The following TSTD2 variants were observed in gnomAD, a reference collection of about 807,000 sequenced individuals.
TSTD2 encodes thiosulfate sulfurtransferase like domain containing 2, also known as thiosulfate sulfurtransferase/rhodanese-like domain-containing protein 2.
TSTD2 carries 37 observed loss-of-function variants against 47.9 expected under a neutral mutation model. That is an observed-to-expected ratio of 0.77 (90% CI 0.59 to 1.02). TSTD2 has a LOEUF of 1.02. TSTD2 is among the 50% of genes least tolerant of loss of function. The pLI is 0.00. For synonymous variants in TSTD2, 201 were observed against 215.9 expected (o/e 0.93, Z 0.61); for missense variants, 586 against 616.0 (o/e 0.95, Z 0.52).
Position 97,600,929 on chromosome 9 carries a change from G to T in TSTD2, c.*1540C>A. 8.7e-7 allele frequency: 1 copy of T among 1,155,442 alleles called. No individual in the cohort carries two copies. The highest frequency in any genetic ancestry group is 1.1e-6 in the Non-Finnish European group (1 of 915,490). The allele number at this position is 1,155,442 out of a possible 1,614,324, so 71.6% of individuals were successfully genotyped here. A position where few individuals can be genotyped will look rare whatever the true frequency, so the allele number is the denominator to read the frequency against. On this transcript the variant is annotated 3_prime_UTR_variant, in exon 10 of 10. Coordinates refer to ENST00000341170, the MANE Select transcript of TSTD2 (RefSeq NM_139246.5). ...ACTAATATTTTTGTTTGTTGCTTTT[G>T]GGAGTTATTTTCATTAGTGATTTCA...
chr9:97,604,740 A>G lies in TSTD2; in HGVS notation c.1239T>C (p.Ser413=). 1.2e-6 allele frequency: 2 copies of G among 1,614,116 alleles called. No individual in the cohort carries two copies. The highest frequency in any genetic ancestry group is 1.7e-6 in the Non-Finnish European group (2 of 1,180,022). Residue 413 remains serine, a synonymous_variant, in exon 9 of 10, where the codon AGT becomes AGC. Coordinates refer to ENST00000341170, the MANE Select transcript of TSTD2 (RefSeq NM_139246.5). ...GTGCTGACCTACCTGACACCACATC[A>G]CTGTTGTAGGACAGAGCATAGCGTT... ...FDERYALSYN[S]DVVSECSYCG...
In TSTD2 at chr9:97,602,899, T is replaced by C. The variant is rs539842582; in HGVS notation, c.1253-132A>G. 3.1e-5 allele frequency: 28 copies of C among 902,168 alleles called. No individual in the cohort carries two copies. The East Asian group carries it at 5.1e-4, about 16-fold the overall frequency. 55.9% of individuals were successfully genotyped at this position (902,168 alleles called of 1,614,324 possible). ...GGGAAGGTTTCCAAATAGTAAGTCT[T>C]CTGTCTTCTAGCAACAACAACTAAC... On this transcript the variant is annotated intron_variant, in intron 9 of 9. Transcript: ENST00000341170.
At chr9:97,611,776 A>C (rs547162117) in intron 4 of TSTD2, 77 bp from the exon 5 acceptor site, 5 of 1,439,750 alleles carry the variant, frequency 3.5e-6, no homozygotes, top group Admixed American at 1.8e-5. Context: ...CAATAGGCTC[A>C]TGTGTGTCAA....
rs1342727967 is a variant in TSTD2 at position 97,601,109 on chromosome 9, T to C, written c.*1360A>G. On this transcript the variant is annotated 3_prime_UTR_variant, in exon 10 of 10. Transcript: ENST00000341170. Reference sequence around the variant, plus strand: ...CCAGGGCCTCAGCGCTATGGAAGAGTGTCCACTGAGGCTGCACATGGCCCA... The same window carrying C: ...CCAGGGCCTCAGCGCTATGGAAGAGCGTCCACTGAGGCTGCACATGGCCCA... The C allele has an allele frequency of 2.6e-5, 34 of 1,303,918 alleles. No individual in the cohort carries two copies. The highest frequency in any genetic ancestry group is 3.3e-5 in the Non-Finnish European group (33 of 988,882). 80.8% of individuals were successfully genotyped at this position (1,303,918 alleles called of 1,614,324 possible). A position where few individuals can be genotyped will look rare whatever the true frequency, so the allele number is the denominator to read the frequency against.
In TSTD2 at chr9:97,611,555, A is replaced by G; in HGVS notation, c.729+19T>C. 6.3e-7 allele frequency: 1 copy of G among 1,578,090 alleles called. No homozygotes were observed. Among genetic ancestry groups the G allele is most frequent in the Non-Finnish European group, 8.7e-7 (1 of 1,151,254 alleles). ...GAAGCAGATGGCTCTAGATCCATTT[A>G]ATTTTCATTTTCTCTTACCTTAAAA... On this transcript the variant is annotated intron_variant, in intron 5 of 9. Coordinates refer to ENST00000341170, the MANE Select transcript of TSTD2 (RefSeq NM_139246.5).
At chr9:97,630,927 TGTGTGA>T (rs1456176567) in intron 1 of TSTD2, among the ~76,000 whole-genome samples, 1 of 152,250 alleles carries the variant, frequency 6.6e-6, no homozygotes, top group Non-Finnish European at 1.5e-5. Flanking sequence ...TACCCCACTG[TGTGTGA>T]ATTTTACACT....
In TSTD2 at chr9:97,603,785, A is replaced by G. The variant is rs150764885; in HGVS notation, c.1252+942T>C. Reference sequence around the variant, plus strand: ...CATGATTTAAACTCACTGCAACCTCAACCTCCCGGGCTCAAGCAATCCTCC... The same window carrying G: ...CATGATTTAAACTCACTGCAACCTCGACCTCCCGGGCTCAAGCAATCCTCC... On this transcript the variant is annotated intron_variant, in intron 9 of 9. Transcript: ENST00000341170. Among the ~76,000 whole-genome samples, 333 of 152,210 alleles carry G rather than the reference A, an allele frequency of 2.2e-3. 2 individuals are homozygous for G. The highest frequency in any genetic ancestry group is 0.017 in the Middle Eastern group (5 of 294).
In TSTD2 at chr9:97,625,734, G is replaced by A. The variant is rs376838694; in HGVS notation, c.429C>T (p.Asp143=). 108 of 1,613,966 alleles carry A rather than the reference G, an allele frequency of 6.7e-5. No individual in the cohort carries two copies. Among genetic ancestry groups the A allele is most frequent in the African/African-American group, 4.4e-4 (33 of 74,912 alleles). The change falls in exon 3 of 10, where the codon GAC becomes GAT. Residue 143 remains aspartate, a synonymous_variant. Transcript: ENST00000341170. ...TTATATCAGGGAGCCAAGCAGACACGTCATGGCTATGTGGAAGGCACTCTT... is the reference window on the plus strand; with the variant it reads ...TTATATCAGGGAGCCAAGCAGACACATCATGGCTATGTGGAAGGCACTCTT... ...PLKECLPHSH[D]VSAWLPDISC...
intron 1 of TSTD2, among the ~76,000 whole-genome samples, chr9:97,631,963 C>G (rs1331804148): frequency 2.6e-5 from 4 of 152,220 alleles, no homozygotes; most frequent in African/African-American, 7.2e-5. Flanking sequence ...TTGCTCACTA[C>G]CTATGATGGC....
rs1390032323 is a variant in TSTD2, at chr9:97,602,611, G to A, written c.1409C>T (p.Pro470Leu). The change falls in exon 10 of 10, where the codon CCT becomes CTT. Residue 470 changes from proline (P) to leucine (L), a missense_variant. Coordinates refer to ENST00000341170, the MANE Select transcript of TSTD2 (RefSeq NM_139246.5). ...QDKGSRKVSG[P>L]MQDSFKEECE... ...TTCCTCTTTAAAGCTGTCTTGCATAGGGCCTGAAACTTTCCTGCTCCCCTT... is the reference window on the plus strand; with the variant it reads ...TTCCTCTTTAAAGCTGTCTTGCATAAGGCCTGAAACTTTCCTGCTCCCCTT... 6 of 1,614,096 alleles carry A rather than the reference G, an allele frequency of 3.7e-6. No individual in the cohort carries two copies. The highest frequency in any genetic ancestry group is 5.1e-6 in the Non-Finnish European group (6 of 1,180,044).
chr9:97,626,046 T>C (rs201768722), intron 2 of TSTD2, 49 bp from the exon 3 acceptor site: 12 of 1,518,346 alleles, frequency 7.9e-6, no homozygotes, highest in East Asian at 2.3e-5. Context: ...CTTAGGTTTA[T>C]GGCTAATAGA....
chr9:97,621,051 T>A (rs1826626100), intron 3 of TSTD2, among the ~76,000 whole-genome samples: 1 of 152,188 alleles, frequency 6.6e-6, no homozygotes, highest in African/African-American at 2.4e-5. Flanking sequence ...CATGCCTTGT[T>A]GTGGGAAGTC....
chr9:97,602,300 C>A lies in TSTD2; in HGVS notation c.*169G>T, dbSNP rs1192015310. On this transcript the variant is annotated 3_prime_UTR_variant, in exon 10 of 10. Coordinates refer to ENST00000341170, the MANE Select transcript of TSTD2 (RefSeq NM_139246.5). The stretch of plus-strand genomic sequence containing the variant: ...CAGAATGTCTCAGGTAAGTGGTAGA[C>A]AACGTGACTCCTCCCCTCCCGCTGT... 1.1e-5 allele frequency: 8 copies of A among 734,898 alleles called. No homozygotes were observed. Among genetic ancestry groups the A allele is most frequent in the Non-Finnish European group, 1.5e-5 (7 of 464,590 alleles). 45.5% of individuals were successfully genotyped at this position (734,898 alleles called of 1,614,324 possible).
intron 4 of TSTD2, among the ~76,000 whole-genome samples, chr9:97,613,899 G>C (rs558725510): frequency 2.0e-4 from 30 of 150,792 alleles, no homozygotes; most frequent in Middle Eastern, 6.9e-3. Context: ...TGCAATCTCG[G>C]CTCACTGCAA....
At chr9:97,616,288 G>T in intron 4 of TSTD2, among the ~76,000 whole-genome samples, 1 of 152,168 alleles carries the variant, frequency 6.6e-6, no homozygotes, top group East Asian at 1.9e-4. Flanking sequence ...AGGTAAGAAG[G>T]GGCCAACTCA....
chr9:97,616,668 A>T (rs1587979998), intron 4 of TSTD2, among the ~76,000 whole-genome samples: 1 of 152,236 alleles, frequency 6.6e-6, no homozygotes, highest in Non-Finnish European at 1.5e-5. Flanking sequence ...TCACTGATCA[A>T]TTCAGACCTG....
intron 3 of TSTD2, among the ~76,000 whole-genome samples, chr9:97,624,072 A>G (rs988424079): frequency 9.2e-5 from 14 of 152,140 alleles, no homozygotes; most frequent in African/African-American, 3.4e-4. Flanking sequence ...CACACTAAAA[A>G]GTAACAACTC....
At chr9:97,621,481 G>C (rs763642538) in intron 3 of TSTD2, among the ~76,000 whole-genome samples, 1 of 152,226 alleles carries the variant, frequency 6.6e-6, no homozygotes, top group Non-Finnish European at 1.5e-5. Flanking sequence ...GGGCAGAACA[G>C]AGTCATATTT....
rs1435802631 is a variant in TSTD2 at position 97,600,106 on chromosome 9, T to A, written c.*2363A>T. On this transcript the variant is annotated 3_prime_UTR_variant, in exon 10 of 10. Coordinates refer to ENST00000341170, the MANE Select transcript of TSTD2 (RefSeq NM_139246.5). ...GCTTTTGAAGTATTATAAAACACTT[T>A]ATTACAAATTTGTCTTAGCTATTAG... The A allele has an allele frequency of 9.9e-6, 10 of 1,007,342 alleles. No homozygotes were observed. In the South Asian group the frequency reaches 3.8e-4, roughly 38 times the overall value. 62.4% of individuals were successfully genotyped at this position (1,007,342 alleles called of 1,614,324 possible).
Sources: gnomAD v4.1 joint callset for allele counts (sites outside exome capture counted in the v4.1 genomes callset) on GRCh38, gnomAD v4.1.1 for gene constraint, MANE v1.5 for transcripts, NCBI Gene and HGNC (gene_info 2026-07-23, HGNC 2026-07-21) for gene names.